GADL1: variants seen among roughly 807,000 people sequenced by gnomAD.
GADL1 encodes the protein acidic amino acid decarboxylase GADL1.
Under a neutral mutation model 69.5 loss-of-function variants are expected in GADL1, and 71 were observed. The ratio of observed to expected loss-of-function variants is 1.02; its 90% CI spans 0.84 to 1.25. The LOEUF is 1.25. Among genes scored for constraint, GADL1 ranks in the 50% most tolerant of loss-of-function variants. The probability of loss-of-function intolerance (pLI) is 0.00; values close to 1 mark genes in which losing one functional copy is unlikely to be tolerated. For missense variants in GADL1, 737 were observed against 631.8 expected, an observed-to-expected ratio of 1.17 and a Z score of -1.79; for synonymous variants, 254 against 214.4, an observed-to-expected ratio of 1.18 and a Z score of -1.62.
At chr3:30,761,767 T>C (rs1448523734) in intron 14 of GADL1, among the ~76,000 whole-genome samples, 1 of 152,162 alleles carries the variant, frequency 6.6e-6, no homozygotes, top group African/African-American at 2.4e-5. Context: ...GGAACACTTT[T>C]TCTACCTTAT....
chr3:30,750,597 G>C (rs556348467), intron 14 of GADL1, among the ~76,000 whole-genome samples: 1 of 151,936 alleles, frequency 6.6e-6, no homozygotes, highest in Non-Finnish European at 1.5e-5. Flanking sequence ...TGATGCAAAC[G>C]CCCACTGTAT....
chr3:30,762,485 C>T (rs1053097290), intron 14 of GADL1, among the ~76,000 whole-genome samples: 6 of 152,060 alleles, frequency 3.9e-5, no homozygotes, highest in Non-Finnish European at 7.4e-5. Flanking sequence ...AAACTTTTAA[C>T]TTTTGTGGGC....
At chr3:30,747,756 C>T (rs1375641806) in intron 14 of GADL1, among the ~76,000 whole-genome samples, 2 of 152,122 alleles carry the variant, frequency 1.3e-5, no homozygotes, top group Non-Finnish European at 2.9e-5. Context: ...TTATCCTATC[C>T]TGTAAATATT....
intron 14 of GADL1, among the ~76,000 whole-genome samples, chr3:30,765,744 T>C (rs910455091): frequency 6.6e-6 from 1 of 152,238 alleles, no homozygotes; most frequent in African/African-American, 2.4e-5. Flanking sequence ...ATGACCCTAA[T>C]GTGACACATT....
intron 1 of GADL1, among the ~76,000 whole-genome samples, chr3:30,883,381 C>T (rs902614210): frequency 4.6e-5 from 7 of 151,848 alleles, no homozygotes; most frequent in Non-Finnish European, 7.4e-5. Flanking sequence ...TTCAGTATTC[C>T]CAGCACCATT....
chr3:30,809,558 C>T (rs1697316128), intron 11 of GADL1, among the ~76,000 whole-genome samples: 1 of 152,130 alleles, frequency 6.6e-6, no homozygotes, highest in African/African-American at 2.4e-5. Context: ...TTTCCCATTC[C>T]AGTCAAGCAT....
At chr3:30,809,085 C>A (rs1453785934) in intron 11 of GADL1, among the ~76,000 whole-genome samples, 1 of 152,182 alleles carries the variant, frequency 6.6e-6, no homozygotes, top group Non-Finnish European at 1.5e-5. Context: ...GACTCATTTC[C>A]TGAGTGTCTA....
chr3:30,868,502 A>G (rs1034728082), intron 1 of GADL1, among the ~76,000 whole-genome samples: 1 of 151,976 alleles, frequency 6.6e-6, no homozygotes, highest in African/African-American at 2.4e-5. Flanking sequence ...TACTCATGTT[A>G]TTTAACCTCT....
At chr3:30,838,414 C>G (rs759098069) in intron 9 of GADL1, among the ~76,000 whole-genome samples, 11 of 152,108 alleles carry the variant, frequency 7.2e-5, no homozygotes, top group Non-Finnish European at 1.3e-4. Context: ...AAAAGCCAAT[C>G]CTTTGCTAGA....
chr3:30,844,782 C>T (rs1450871004), intron 6 of GADL1, among the ~76,000 whole-genome samples: 1 of 152,058 alleles, frequency 6.6e-6, no homozygotes, highest in Non-Finnish European at 1.5e-5. Context: ...TCTGCTCGTG[C>T]TAGACAAAAA....
At chr3:30,824,929 T>G (rs925221006) in intron 11 of GADL1, among the ~76,000 whole-genome samples, 1 of 151,932 alleles carries the variant, frequency 6.6e-6, no homozygotes, top group Non-Finnish European at 1.5e-5. Flanking sequence ...CTATCTATCT[T>G]ATACTTCATA....
intron 14 of GADL1, among the ~76,000 whole-genome samples, chr3:30,743,962 G>A (rs536518927): frequency 2.6e-4 from 39 of 152,212 alleles, no homozygotes; most frequent in African/African-American, 9.2e-4. Flanking sequence ...TCTGGATGCT[G>A]GGGGGAAGAC....
intron 6 of GADL1, among the ~76,000 whole-genome samples, chr3:30,847,709 C>T (rs1698080856): frequency 1.3e-5 from 2 of 152,128 alleles, no homozygotes; most frequent in Non-Finnish European, 2.9e-5. Context: ...GAATTCACAC[C>T]TAGTTCTTGG....
intron 14 of GADL1, among the ~76,000 whole-genome samples, chr3:30,732,266 C>T (rs910212048): frequency 6.6e-6 from 1 of 152,270 alleles, no homozygotes; most frequent in Non-Finnish European, 1.5e-5. Context: ...CTAAATGGGG[C>T]GCGCATAGAG....
chr3:30,807,724 G>A (rs1365229780), intron 11 of GADL1, among the ~76,000 whole-genome samples: 2 of 152,170 alleles, frequency 1.3e-5, no homozygotes, highest in Non-Finnish European at 2.9e-5. Context: ...AAGAGAGTAA[G>A]CAGAGGACAA....
chr3:30,827,506 C>A (rs1031688748), intron 11 of GADL1, among the ~76,000 whole-genome samples: 2 of 151,772 alleles, frequency 1.3e-5, no homozygotes, highest in Admixed American at 6.6e-5. Flanking sequence ...AATGGTAATA[C>A]CAACAAATCC....
At chr3:30,763,799 GAGATAT>G (rs1324739850) in intron 14 of GADL1, among the ~76,000 whole-genome samples, 1 of 151,918 alleles carries the variant, frequency 6.6e-6, no homozygotes, top group Non-Finnish European at 1.5e-5. Context: ...TCCATCTATA[GAGATAT>G]AGATAACATA....
At position 30,856,998 on chromosome 3, in the gene GADL1, T is replaced by C; in HGVS notation, c.337+17A>G. Reference sequence around the variant, plus strand: ...TTGTCAGAGGTACAGATCAAGGAAGTAAATTAAAGTTCTTACTAGTTTTGA... The same window carrying C: ...TTGTCAGAGGTACAGATCAAGGAAGCAAATTAAAGTTCTTACTAGTTTTGA... On this transcript the variant is annotated intron_variant, in intron 3 of 14. Transcript: ENST00000282538. 6.5e-7 allele frequency: 1 copy of C among 1,544,294 alleles called. No individual in the cohort carries two copies. Among genetic ancestry groups the C allele is most frequent in the Non-Finnish European group, 8.8e-7 (1 of 1,141,040 alleles).
chr3:30,769,855 G>A (rs1048778402), intron 14 of GADL1, among the ~76,000 whole-genome samples: 3 of 88,950 alleles, frequency 3.4e-5, no homozygotes, highest in African/African-American at 6.2e-5. Context: ...CTGCTGCCAT[G>A]GAGGAGCAAA....
Sources: allele counts gnomAD v4.1 joint callset (sites outside exome capture counted in the v4.1 genomes callset), GRCh38; gene constraint gnomAD v4.1.1; transcripts MANE v1.5; gene names NCBI Gene and HGNC (gene_info 2026-07-23, HGNC 2026-07-21).